HMG20A: variants seen among roughly 807,000 people sequenced by gnomAD.
The protein encoded by HMG20A is high mobility group 20A, also known as high mobility group protein 20A.
In HMG20A, 17 loss-of-function variants were observed where a neutral mutation model predicts 43.9. The observed-to-expected ratio is 0.39, with a 90% CI of 0.27 to 0.58. The LOEUF is 0.58. Among genes scored for constraint, HMG20A ranks in the 20% least tolerant of loss-of-function variants. The pLI, the probability that HMG20A is intolerant of heterozygous loss-of-function variation, is 0.59. For synonymous variants in HMG20A, 132 were observed against 147.5 expected (o/e 0.89, Z 0.76); for missense variants, 341 against 438.2 (o/e 0.78, Z 1.98).
Position 77,483,110 on chromosome 15 carries a change from C to T in HMG20A, c.*147C>T, listed in dbSNP as rs556622882. 6.6e-6 allele frequency: 1 copy of T among 152,168 alleles called. No individual in the cohort carries two copies. Among genetic ancestry groups the T allele is most frequent in the South Asian group, 2.1e-4 (1 of 4,812 alleles). The allele number at this position is 152,168 out of a possible 1,614,324, so 9.4% of individuals were successfully genotyped here. On this transcript the variant is annotated 3_prime_UTR_variant, in exon 10 of 10. Coordinates refer to ENST00000336216, the MANE Select transcript of HMG20A (RefSeq NM_001304504.2). ...AAAGAATTATCAGTGAGTGAAAGGC[C>T]ATCACCCCAGGAAGCCAAATGAGGG...
At position 77,425,011 on chromosome 15, in the gene HMG20A, A is replaced by G. The variant is rs549657933; in HGVS notation, c.-5+4007A>G. On this transcript the variant is annotated intron_variant, in intron 1 of 9. Coordinates refer to ENST00000336216, the MANE Select transcript of HMG20A (RefSeq NM_001304504.2). ...ATTAATATTTTTTTTTGCTCATGCT[A>G]TTTTCTGCCTGAAACACTCTTTTTT... is the stretch of plus-strand genomic sequence containing the variant. 3.3e-5 allele frequency among the ~76,000 whole-genome samples: 5 copies of G among 151,944 alleles called. No homozygotes were observed. In the East Asian group the frequency reaches 5.8e-4, roughly 18 times the overall value.
intron 1 of HMG20A, among the ~76,000 whole-genome samples, chr15:77,435,955 T>TTTAA (rs1414194220): frequency 1.3e-5 from 2 of 152,164 alleles, no homozygotes; most frequent in African/African-American, 4.8e-5. Context: ...TCTAACTCCT[T>TTTAA]TTAACCTATT....
chr15:77,486,354 A>G (rs1267324210), downstream of HMG20A, among the ~76,000 whole-genome samples: 5 of 144,946 alleles, frequency 3.4e-5, no homozygotes, highest in African/African-American at 1.3e-4. Context: ...TCCGCCTTCC[A>G]GTTTCAAGCG....
chr15:77,442,280 T>G (rs2073620920), intron 1 of HMG20A, among the ~76,000 whole-genome samples: 1 of 152,180 alleles, frequency 6.6e-6, no homozygotes, highest in South Asian at 2.1e-4. Context: ...ATAAATTGAG[T>G]TAGAACTTCT....
intron 6 of HMG20A, among the ~76,000 whole-genome samples, chr15:77,474,305 T>G (rs1341840034): frequency 6.6e-6 from 1 of 152,224 alleles, no homozygotes. Context: ...TATTTCCCTT[T>G]ACTTATCCTA....
intron 1 of HMG20A, among the ~76,000 whole-genome samples, chr15:77,429,815 A>G (rs1164091517): frequency 6.6e-6 from 1 of 152,230 alleles, no homozygotes; most frequent in Non-Finnish European, 1.5e-5. Flanking sequence ...AAGATGTTGT[A>G]AGAATGTTTT....
At chr15:77,432,046 C>G (rs575992929) in intron 1 of HMG20A, among the ~76,000 whole-genome samples, 1 of 152,274 alleles carries the variant, frequency 6.6e-6, no homozygotes, top group East Asian at 1.9e-4. Context: ...GATACTGAGG[C>G]TGATTCCATA....
chr15:77,446,888 A>C (rs2073680615), intron 1 of HMG20A, among the ~76,000 whole-genome samples: 1 of 152,082 alleles, frequency 6.6e-6, no homozygotes, highest in Non-Finnish European at 1.5e-5. Context: ...ACTTAAAACA[A>C]GCTTGGTTTT....
At chr15:77,432,860 G>A (rs1330783326) in intron 1 of HMG20A, among the ~76,000 whole-genome samples, 1 of 151,378 alleles carries the variant, frequency 6.6e-6, no homozygotes, top group Non-Finnish European at 1.5e-5. Context: ...TAAATTACCA[G>A]TATCAGGAAT....
rs182992162 is a variant in HMG20A, at chr15:77,462,231, A to C, written c.90-2009A>C. Among the ~76,000 whole-genome samples, 606 of 152,298 alleles carry C rather than the reference A, an allele frequency of 4.0e-3. 1 individual carries two copies. Among genetic ancestry groups the C allele is most frequent in the Non-Finnish European group, 5.8e-3 (392 of 68,026 alleles). On this transcript the variant is annotated intron_variant, in intron 2 of 9. Coordinates refer to ENST00000336216, the MANE Select transcript of HMG20A (RefSeq NM_001304504.2). The stretch of plus-strand genomic sequence containing the variant: ...GACACTTTTTGGCCTATCTTATTTA[A>C]CATCTGCAACTTTTTACTTGATTAG...
chr15:77,491,877 G>A, the HMG20A span, among the ~76,000 whole-genome samples: 2 of 152,220 alleles, frequency 1.3e-5, no homozygotes, highest in South Asian at 4.1e-4. Context: ...GAAAGATAGT[G>A]AGGTGTTCTG....
In HMG20A at chr15:77,467,178, T is replaced by C. The variant is rs779066968; in HGVS notation, c.321T>C (p.Leu107=). 6 of 1,614,104 alleles carry C rather than the reference T, an allele frequency of 3.7e-6. No individual in the cohort carries two copies. The highest frequency in any genetic ancestry group is 2.2e-5 in the South Asian group (2 of 91,080). ...ACAGCAATGCACCCAAATCCCCCCT[T>C]ACAGGATATGTTCGGTTCATGAATG... is the stretch of plus-strand genomic sequence containing the variant. ...LRDSNAPKSP[L]TGYVRFMNER... is the part of the protein sequence containing the mutation. Residue 107 remains leucine (L), a synonymous_variant, in exon 4 of 10, where the codon CTT becomes CTC. Coordinates refer to ENST00000336216, the MANE Select transcript of HMG20A (RefSeq NM_001304504.2).
intron 2 of HMG20A, among the ~76,000 whole-genome samples, chr15:77,460,957 G>T (rs186165838): frequency 2.0e-5 from 3 of 152,256 alleles, no homozygotes; most frequent in Non-Finnish European, 4.4e-5. Flanking sequence ...CTGCACTCCA[G>T]CCTGGGTGAC....
At chr15:77,424,518 A>G (rs146005825) in intron 1 of HMG20A, among the ~76,000 whole-genome samples, 188 of 152,316 alleles carry the variant, frequency 1.2e-3, no homozygotes, top group Non-Finnish European at 2.3e-3. Flanking sequence ...CTCCTGGTCC[A>G]ATGCCTGGTG....
At position 77,442,835 on chromosome 15, in the gene HMG20A, TA is replaced by T. The variant is rs201176571; in HGVS notation, c.-4-15568del. Among the ~76,000 whole-genome samples, 722 of 152,164 alleles carry T rather than the reference TA, an allele frequency of 4.7e-3. 4 individuals are homozygous for T. Among genetic ancestry groups the T allele is most frequent in the African/African-American group, 0.016 (671 of 41,526 alleles). ...GGAATTTTAGCTCTACGTGTAGCCA[TA>T]TTTTTTTTACAAAAAAGAAACTAAG... On this transcript the variant is annotated intron_variant, in intron 1 of 9. Transcript: ENST00000336216.
chr15:77,462,472 CG>C (rs1490651009), intron 2 of HMG20A, among the ~76,000 whole-genome samples: 1 of 152,096 alleles, frequency 6.6e-6, no homozygotes, highest in Non-Finnish European at 1.5e-5. Context: ...TAATGCTTCT[CG>C]AGTCTATCTT....
intron 9 of HMG20A, among the ~76,000 whole-genome samples, chr15:77,480,960 A>T (rs377257074): frequency 6.6e-6 from 1 of 152,208 alleles, no homozygotes; most frequent in African/African-American, 2.4e-5. Context: ...CCATATATGG[A>T]TACTAAAATA....
At chr15:77,442,910 A>G (rs1316365822) in intron 1 of HMG20A, among the ~76,000 whole-genome samples, 1 of 151,944 alleles carries the variant, frequency 6.6e-6, no homozygotes, top group East Asian at 1.9e-4. Flanking sequence ...GTGATCCTTG[A>G]TGGCACTTTT....
At chr15:77,453,860 G>T (rs866768576) in intron 1 of HMG20A, among the ~76,000 whole-genome samples, 9 of 152,028 alleles carry the variant, frequency 5.9e-5, no homozygotes, top group Non-Finnish European at 1.0e-4. Context: ...TGAAATATCA[G>T]AATAGGTACA....
Sources: allele counts gnomAD v4.1 joint callset (sites outside exome capture counted in the v4.1 genomes callset), GRCh38; gene constraint gnomAD v4.1.1; transcripts MANE v1.5; gene names NCBI Gene and HGNC (gene_info 2026-07-23, HGNC 2026-07-21).